NF1: variants seen among roughly 807,000 people sequenced by gnomAD.
The protein encoded by NF1 is neurofibromin 1.
In NF1, 122 loss-of-function variants were observed where a neutral mutation model predicts 325.7. The ratio of observed to expected loss-of-function variants is 0.37; its 90% CI spans 0.32 to 0.44. NF1 has a LOEUF of 0.44. NF1 is among the 20% of genes least tolerant of loss of function. The pLI is 1.00. For synonymous variants in NF1, 1,091 were observed against 1,186.0 expected, an observed-to-expected ratio of 0.92 and a Z score of 1.65; for missense variants, 2,140 against 3,415.4, an observed-to-expected ratio of 0.63 and a Z score of 9.31.
chr17:31,285,384 C>T (rs1398326905), intron 36 of NF1, among the ~76,000 whole-genome samples: 1 of 151,832 alleles, frequency 6.6e-6, no homozygotes, highest in Non-Finnish European at 1.5e-5. Flanking sequence ...AGGTGATGCA[C>T]TTAGTTCCAA....
intron 31 of NF1, among the ~76,000 whole-genome samples, chr17:31,256,532 T>C (rs1252388825): frequency 6.6e-6 from 1 of 152,198 alleles, no homozygotes; most frequent in Non-Finnish European, 1.5e-5. Context: ...TGAAGAATTT[T>C]GTGTGTGTGA....
At chr17:31,235,551 T>G in intron 27 of NF1, 60 bp from the exon 28 acceptor site, 1 of 1,601,868 alleles carries the variant, frequency 6.2e-7, no homozygotes. Flanking sequence ...ACTCTTTAGC[T>G]TCCTACCTAA....
chr17:31,226,068 A>G (rs1392704276), intron 17 of NF1, among the ~76,000 whole-genome samples: 2 of 151,988 alleles, frequency 1.3e-5, no homozygotes, highest in African/African-American at 4.8e-5. Flanking sequence ...GTCATTTCTA[A>G]TTGACTGGGA....
intron 26 of NF1, 21 bp downstream of exon 26, chr17:31,232,902 CAT>C (rs765524403): frequency 1.2e-6 from 2 of 1,613,714 alleles, no homozygotes; most frequent in Non-Finnish European, 8.5e-7. Context: ...ATGAAAGTTT[CAT>C]ATAGAAATAC....
chr17:31,237,658 T>C (rs1480665343), intron 29 of NF1, among the ~76,000 whole-genome samples: 1 of 147,598 alleles, frequency 6.8e-6, no homozygotes, highest in Non-Finnish European at 1.5e-5. Flanking sequence ...CATGTCTACT[T>C]TTTTTTTTTT....
At chr17:31,332,230 C>T (rs1213527046) in intron 39 of NF1, among the ~76,000 whole-genome samples, 2 of 152,054 alleles carry the variant, frequency 1.3e-5, no homozygotes, top group African/African-American at 4.8e-5. Context: ...CTTTGGGAGG[C>T]TGAGGTGGGT....
intron 1 of NF1, among the ~76,000 whole-genome samples, chr17:31,109,858 C>G (rs1252072771): frequency 1.3e-5 from 2 of 152,080 alleles, no homozygotes; most frequent in Non-Finnish European, 2.9e-5. Flanking sequence ...TTTAACATTT[C>G]TAGTTATTCT....
intron 39 of NF1, chr17:31,334,568 AAACAACTTTTT>A (rs1312586079): frequency 2.2e-5 from 9 of 417,686 alleles, no homozygotes; most frequent in Non-Finnish European, 3.9e-5. Flanking sequence ...AATGAGAATA[AAACAACTTTTT>A]AACAAGAAAG....
chr17:31,193,441 G>C (rs2066381888), intron 8 of NF1, among the ~76,000 whole-genome samples: 3 of 152,118 alleles, frequency 2.0e-5, no homozygotes, highest in Admixed American at 2.0e-4. Flanking sequence ...TCAGATAGCT[G>C]CAACTATAAG....
intron 6 of NF1, 45 bp from the exon 7 acceptor site, chr17:31,181,665 T>C (rs2143776531): frequency 2.1e-6 from 3 of 1,419,448 alleles, no homozygotes; most frequent in Non-Finnish European, 3.0e-6. Flanking sequence ...TTATTTACTG[T>C]ATTACAAAAA....
chr17:31,189,980 C>G (rs112183759), intron 8 of NF1, among the ~76,000 whole-genome samples: 1 of 150,820 alleles, frequency 6.6e-6, no homozygotes, highest in Non-Finnish European at 1.5e-5. Flanking sequence ...AGGCTGGTCT[C>G]GAACTCCTGA....
rs918472095 is a variant in NF1, at chr17:31,232,618, A to G, written c.3315-82A>G. Reference sequence around the variant, plus strand: ...ACCCAGGGCCATTCACACCATGCACATATGATTGTTTTGGAATGTCTGGTT... The same window carrying G: ...ACCCAGGGCCATTCACACCATGCACGTATGATTGTTTTGGAATGTCTGGTT... On this transcript the variant is annotated intron_variant, in intron 25 of 57. Transcript: ENST00000358273. 11 of 1,318,550 alleles carry G rather than the reference A, an allele frequency of 8.3e-6. No homozygotes were observed. In the African/African-American group the frequency reaches 1.0e-4, roughly 12 times the overall value. 81.7% of individuals were successfully genotyped at this position (1,318,550 alleles called of 1,614,324 possible).
At chr17:31,125,255 A>G (rs982157293) in intron 1 of NF1, among the ~76,000 whole-genome samples, 9 of 152,058 alleles carry the variant, frequency 5.9e-5, no homozygotes, top group African/African-American at 1.9e-4. Context: ...GCGTTAATCT[A>G]TGGTATTGTA....
rs1567634658 is a variant in NF1 at position 31,374,232 on chromosome 17, TC to T, written c.*83del. 3.2e-6 allele frequency: 5 copies of T among 1,586,046 alleles called. No homozygotes were observed. The highest frequency in any genetic ancestry group is 4.3e-6 in the Non-Finnish European group (5 of 1,156,212). On this transcript the variant is annotated 3_prime_UTR_variant, in exon 58 of 58. Transcript: ENST00000358273. ...TGACCCCTTCCCTGTCCTTGCCCTT[TC>T]CCCCCATGTTGTAATGCTGCACTTC...
chr17:31,368,377 G>GATCT (rs1405905310), intron 57 of NF1, among the ~76,000 whole-genome samples: 1 of 152,048 alleles, frequency 6.6e-6, no homozygotes, highest in Non-Finnish European at 1.5e-5. Flanking sequence ...TGACCTCAAA[G>GATCT]ATCTGCCTGC....
chr17:31,355,374 G>T (rs1471500842), intron 51 of NF1, among the ~76,000 whole-genome samples: 14 of 152,024 alleles, frequency 9.2e-5, no homozygotes, highest in Non-Finnish European at 1.6e-4. Context: ...GGCTTCATCA[G>T]TGTACATGTG....
At chr17:31,181,650 A>G (rs2143776352) in intron 6 of NF1, 60 bp from the exon 7 acceptor site, 1 of 1,372,306 alleles carries the variant, frequency 7.3e-7, no homozygotes, top group Non-Finnish European at 1.0e-6. Context: ...GAAGTTTGTG[A>G]CATTTTATTT....
intron 36 of NF1, among the ~76,000 whole-genome samples, chr17:31,299,280 A>AT (rs1555623780): frequency 1.3e-5 from 2 of 150,766 alleles, no homozygotes; most frequent in Non-Finnish European, 3.0e-5. Flanking sequence ...AAGTATAATA[A>AT]AAATAAATAA....
intron 57 of NF1, among the ~76,000 whole-genome samples, chr17:31,373,261 T>C (rs1201612246): frequency 6.6e-6 from 1 of 152,222 alleles, no homozygotes; most frequent in East Asian, 1.9e-4. Context: ...ACAAATTTGC[T>C]GGAAAGATCA....
Sources: gnomAD v4.1 joint callset for allele counts (sites outside exome capture counted in the v4.1 genomes callset) on GRCh38, gnomAD v4.1.1 for gene constraint, MANE v1.5 for transcripts, NCBI Gene and HGNC (gene_info 2026-07-23, HGNC 2026-07-21) for gene names.